CMBL: variants seen among roughly 807,000 people sequenced by gnomAD.
The protein encoded by CMBL is carboxymethylenebutenolidase homolog (Pseudomonas).
CMBL carries 17 observed loss-of-function variants against 28.7 expected under a neutral mutation model. The ratio of observed to expected loss-of-function variants is 0.59; its 90% CI spans 0.41 to 0.89. CMBL has a LOEUF of 0.89. CMBL is among the 40% of genes least tolerant of loss of function. CMBL has a pLI of 0.00. For missense variants in CMBL, 310 were observed against 298.5 expected, an observed-to-expected ratio of 1.04 and a Z score of -0.28; for synonymous variants, 106 against 101.6, an observed-to-expected ratio of 1.04 and a Z score of -0.26.
intron 1 of CMBL, among the ~76,000 whole-genome samples, chr5:10,303,773 C>T (rs1216928644): frequency 1.3e-5 from 2 of 152,176 alleles, no homozygotes; most frequent in African/African-American, 4.8e-5. Context: ...CACCATGAGG[C>T]TTTCTTTTCT....
rs1038550236 is a variant in CMBL at position 10,279,393 on chromosome 5, G to C, written c.*1060C>G. The C allele has an allele frequency of 2.6e-5, 4 of 152,150 alleles. No homozygotes were observed. Among genetic ancestry groups the C allele is most frequent in the Admixed American group, 6.6e-5 (1 of 15,262 alleles). The allele number at this position is 152,150 out of a possible 1,614,324, so 9.4% of individuals were successfully genotyped here. On this transcript the variant is annotated 3_prime_UTR_variant, in exon 6 of 6. Coordinates refer to ENST00000296658, the MANE Select transcript of CMBL (RefSeq NM_138809.4). Reference sequence around the variant, plus strand: ...AATGTGACAAATTCAGCTGTTTTGTGGCATAGATAAGTGTCTAAGCTGGGC... The same window carrying C: ...AATGTGACAAATTCAGCTGTTTTGTCGCATAGATAAGTGTCTAAGCTGGGC...
At chr5:10,286,331 A>C in intron 4 of CMBL, 23 bp downstream of exon 4, 9 of 1,608,750 alleles carry the variant, frequency 5.6e-6, no homozygotes, top group Non-Finnish European at 7.6e-6. Flanking sequence ...TGCATGGAGT[A>C]AAAATGCACA....
In CMBL at chr5:10,287,282, C is replaced by T. The variant is rs141051389; in HGVS notation, c.324-786G>A. On this transcript the variant is annotated intron_variant, in intron 3 of 5. Coordinates refer to ENST00000296658, the MANE Select transcript of CMBL (RefSeq NM_138809.4). ...GGATAAAGAAAATGTGGCCTATATA[C>T]ACCATAGACTATACTCAGCCATAAG... 4.6e-3 allele frequency among the ~76,000 whole-genome samples: 705 copies of T among 152,304 alleles called. 3 individuals are homozygous for T. Among genetic ancestry groups the T allele is most frequent in the Non-Finnish European group, 7.5e-3 (507 of 68,028 alleles).
rs1350619297 is a variant in CMBL at position 10,297,076 on chromosome 5, T to C, written c.-19-6295A>G. Among the ~76,000 whole-genome samples, 2 of 151,280 alleles carry C rather than the reference T, an allele frequency of 1.3e-5. 1 individual carries two copies. On this transcript the variant is annotated intron_variant, in intron 1 of 5. Transcript: ENST00000296658. Reference sequence around the variant, plus strand: ...GGCACATGCCTATAATCCCAGCTACTTGGGACGCTGAGGCAGGAGAACTGC... The same window carrying C: ...GGCACATGCCTATAATCCCAGCTACCTGGGACGCTGAGGCAGGAGAACTGC...
At position 10,299,259 on chromosome 5, in the gene CMBL, A is replaced by G. The variant is rs185132950; in HGVS notation, c.-20+8366T>C. Among the ~76,000 whole-genome samples, 36 of 152,340 alleles carry G rather than the reference A, an allele frequency of 2.4e-4. 2 individuals carry two copies. Among genetic ancestry groups the G allele is most frequent in the Non-Finnish European group, 4.1e-4 (28 of 68,026 alleles). On this transcript the variant is annotated intron_variant, in intron 1 of 5. Coordinates refer to ENST00000296658, the MANE Select transcript of CMBL (RefSeq NM_138809.4). The stretch of plus-strand genomic sequence containing the variant: ...AAGACAACCCAATAGAAAAATTCAT[A>G]TGAATGGGCAATTTACAAAAAAGTA...
At chr5:10,282,521 G>T (rs183462695) in intron 4 of CMBL, among the ~76,000 whole-genome samples, 95 of 152,296 alleles carry the variant, frequency 6.2e-4, no homozygotes, top group African/African-American at 2.2e-3. Context: ...GGTGGCTCAC[G>T]CCTGTAATCC....
chr5:10,282,385 A>C, intron 4 of CMBL, 97 bp from the exon 5 acceptor site: 1 of 689,374 alleles, frequency 1.5e-6, no homozygotes, highest in Non-Finnish European at 2.6e-6. Context: ...CATGCCACAG[A>C]AAACTGCAAC....
chr5:10,286,270 A>G, intron 4 of CMBL, 84 bp downstream of exon 4: 1 of 1,377,268 alleles, frequency 7.3e-7, no homozygotes, highest in South Asian at 1.3e-5. Flanking sequence ...GGGTTGTGTT[A>G]CACTGGATGG....
rs1368233913 is a variant in CMBL, at chr5:10,307,804, G to C, written c.-199C>G. The stretch of plus-strand genomic sequence containing the variant: ...GAGAGCCAAGCCCGGAGGGGGCGGA[G>C]AGGTGGAGGAGGGAGGCCTGGGGGA... On this transcript the variant is annotated 5_prime_UTR_variant, in exon 1 of 6. Coordinates refer to ENST00000296658, the MANE Select transcript of CMBL (RefSeq NM_138809.4). 1 of 152,308 alleles carries C rather than the reference G, an allele frequency of 6.6e-6. No individual in the cohort carries two copies. The highest frequency in any genetic ancestry group is 2.4e-5 in the African/African-American group (1 of 41,374). The allele number at this position is 152,308 out of a possible 1,614,324, so 9.4% of individuals were successfully genotyped here. A position where few individuals can be genotyped will look rare whatever the true frequency, so the allele number is the denominator to read the frequency against.
rs1438939542 is a variant in CMBL, at chr5:10,307,663, G to C, written c.-58C>G. On this transcript the variant is annotated 5_prime_UTR_variant, in exon 1 of 6. Coordinates refer to ENST00000296658, the MANE Select transcript of CMBL (RefSeq NM_138809.4). ...CTGAGACTGCGCTGCACCGCGCGGA[G>C]GCCGAACCCAGAGGAGGCGGCGTGG... 1 of 152,500 alleles carries C rather than the reference G, an allele frequency of 6.6e-6. No homozygotes were observed. Among genetic ancestry groups the C allele is most frequent in the Non-Finnish European group, 1.5e-5 (1 of 68,286 alleles). The allele number at this position is 152,500 out of a possible 1,614,324, so 9.4% of individuals were successfully genotyped here. A position where few individuals can be genotyped will look rare whatever the true frequency, so the allele number is the denominator to read the frequency against.
intron 1 of CMBL, among the ~76,000 whole-genome samples, chr5:10,297,740 G>A (rs1413299257): frequency 6.6e-6 from 1 of 152,056 alleles, no homozygotes; most frequent in East Asian, 1.9e-4. Flanking sequence ...CCGGGAGAGA[G>A]GGAACTGGAG....
chr5:10,294,994 A>T (rs567115368), intron 1 of CMBL, among the ~76,000 whole-genome samples: 2 of 152,332 alleles, frequency 1.3e-5, no homozygotes, highest in East Asian at 3.9e-4. Flanking sequence ...CCAGGGGCCC[A>T]AGCTAAAACG....
chr5:10,298,618 T>C (rs745372654), intron 1 of CMBL, among the ~76,000 whole-genome samples: 1 of 152,068 alleles, frequency 6.6e-6, no homozygotes, highest in African/African-American at 2.4e-5. Context: ...TTGGGCTGAG[T>C]GCGGTGGCTC....
chr5:10,306,507 T>C (rs1747003443), intron 1 of CMBL, among the ~76,000 whole-genome samples: 1 of 151,874 alleles, frequency 6.6e-6, no homozygotes. Context: ...AATTTAGAAA[T>C]AGAAACCACG....
At chr5:10,303,804 C>A (rs1746952045) in intron 1 of CMBL, among the ~76,000 whole-genome samples, 1 of 152,172 alleles carries the variant, frequency 6.6e-6, no homozygotes, top group Non-Finnish European at 1.5e-5. Context: ...CAGAAACTAG[C>A]CTCTTCAAAC....
rs371266665 is a variant in CMBL, at chr5:10,304,003, T to C, written c.-20+3622A>G. ...CCTTGGATCATGCTAACGCAGTCAT[T>C]TTTTGAACATGGCTCCCATGAAGAG... On this transcript the variant is annotated intron_variant, in intron 1 of 5. Transcript: ENST00000296658. 5.3e-5 allele frequency among the ~76,000 whole-genome samples: 8 copies of C among 152,294 alleles called. No homozygotes were observed. The East Asian group carries it at 1.2e-3, about 22-fold the overall frequency.
chr5:10,291,673 AAAAAG>A (rs1470287858), intron 1 of CMBL, among the ~76,000 whole-genome samples: 2 of 152,094 alleles, frequency 1.3e-5, no homozygotes, highest in African/African-American at 4.8e-5. Context: ...AAACAAAAAA[AAAAAG>A]AAAAGAAAAG....
chr5:10,291,503 A>AAT (rs1561063858), intron 1 of CMBL, among the ~76,000 whole-genome samples: 1 of 151,782 alleles, frequency 6.6e-6, no homozygotes. Flanking sequence ...TCTACTAAAA[A>AAT]ACAAAAAATT....
In CMBL at chr5:10,290,361, G is replaced by C. The variant is rs564791017; in HGVS notation, c.215+187C>G. 2.5e-5 allele frequency: 15 copies of C among 603,062 alleles called. No individual in the cohort carries two copies. The South Asian group carries it at 3.0e-4, about 12-fold the overall frequency. 37.4% of individuals were successfully genotyped at this position (603,062 alleles called of 1,614,324 possible). On this transcript the variant is annotated intron_variant, in intron 2 of 5. Transcript: ENST00000296658. ...AGGAAACCCAGGAATGGGGTTAGGA[G>C]CACCAGGTGGGTGTTTAATTTCCCA...
Sources: allele counts gnomAD v4.1 joint callset (sites outside exome capture counted in the v4.1 genomes callset), GRCh38; gene constraint gnomAD v4.1.1; transcripts MANE v1.5; gene names NCBI Gene and HGNC (gene_info 2026-07-23, HGNC 2026-07-21).